Variants in BLOC1S3 observed in about 807,000 individuals in gnomAD.
BLOC1S3 encodes the protein biogenesis of lysosomal organelles complex 1 subunit 3, also known as biogenesis of lysosome-related organelles complex 1 subunit 3.
BLOC1S3 carries 7 observed loss-of-function variants against 9.1 expected under a neutral mutation model. The ratio of observed to expected loss-of-function variants is 0.77; its 90% confidence interval spans 0.44 to 1.45. The LOEUF is 1.45. BLOC1S3 is among the 40% of genes most tolerant of loss of function. The pLI, the probability that BLOC1S3 is intolerant of heterozygous loss-of-function variation, is 0.01. For missense variants in BLOC1S3, 307 were observed against 315.2 expected (o/e 0.97, Z 0.20); for synonymous variants, 145 against 158.4 (o/e 0.92, Z 0.64).
At chr19:45,207,935 G>A (rs1969740136) in intron 3 of BLOC1S3, among the ~76,000 whole-genome samples, 1 of 151,768 alleles carries the variant, frequency 6.6e-6, no homozygotes, top group South Asian at 2.1e-4. Flanking sequence ...TAAGATGTTA[G>A]CATCAGGTAA....
intron 3 of BLOC1S3, among the ~76,000 whole-genome samples, chr19:45,207,567 A>C (rs1487316229): frequency 1.5e-4 from 22 of 148,214 alleles, no homozygotes; most frequent in African/African-American, 5.2e-4. Context: ...AAAAAAAAAA[A>C]AAAAAAAAAA....
intron 2 of BLOC1S3, among the ~76,000 whole-genome samples, chr19:45,188,331 C>G (rs1264308628): frequency 2.0e-5 from 3 of 150,704 alleles, no homozygotes; most frequent in Non-Finnish European, 4.4e-5. Flanking sequence ...TCAATTACAC[C>G]CTTTTCGTTA....
chr19:45,186,170 G>C (rs1007096769), downstream of BLOC1S3, among the ~76,000 whole-genome samples: 2 of 152,042 alleles, frequency 1.3e-5, no homozygotes, highest in Non-Finnish European at 2.9e-5. Flanking sequence ...GAGGGGGTGA[G>C]ACTGGGTCTG....
intron 2 of BLOC1S3, among the ~76,000 whole-genome samples, chr19:45,196,466 C>T (rs1387577999): frequency 6.6e-6 from 1 of 152,006 alleles, no homozygotes; most frequent in African/African-American, 2.4e-5. Flanking sequence ...CTGGGTGGTC[C>T]TCAGTGTCCC....
chr19:45,217,030 CT>C (rs879289385), downstream of BLOC1S3: 8 of 146,938 alleles, frequency 5.4e-5, no homozygotes, highest in Admixed American at 6.8e-5. Context: ...TCTTTTTTTT[CT>C]TTTTTTTTTG....
intron 2 of BLOC1S3, among the ~76,000 whole-genome samples, chr19:45,199,641 C>T (rs1010157503): frequency 9.3e-5 from 14 of 151,252 alleles, no homozygotes; most frequent in African/African-American, 2.4e-4. Flanking sequence ...TTTCTTTTGT[C>T]TCCTCTGGCT....
At chr19:45,212,890 G>A (rs752310105) in intron 3 of BLOC1S3, 36 of 638,190 alleles carry the variant, frequency 5.6e-5, no homozygotes, top group Middle Eastern at 4.3e-4. Flanking sequence ...ATGAGCCACC[G>A]TGCCTGGCGT....
At chr19:45,196,849 C>T (rs1003565055) in intron 2 of BLOC1S3, among the ~76,000 whole-genome samples, 5 of 149,444 alleles carry the variant, frequency 3.3e-5, no homozygotes, top group African/African-American at 7.4e-5. Context: ...TGCAGTGAGC[C>T]GAGATGGGGC....
At chr19:45,214,480 T>C (rs1969812940) in intron 3 of BLOC1S3, among the ~76,000 whole-genome samples, 1 of 151,960 alleles carries the variant, frequency 6.6e-6, no homozygotes, top group South Asian at 2.1e-4. Flanking sequence ...GTTTGTTTGT[T>C]TTGAGACAGA....
At chr19:45,196,620 C>T (rs1969650189) in intron 2 of BLOC1S3, among the ~76,000 whole-genome samples, 1 of 152,076 alleles carries the variant, frequency 6.6e-6, no homozygotes, top group African/African-American at 2.4e-5. Context: ...TAGCCGGGAG[C>T]GGTGGCTCAC....
downstream of BLOC1S3, among the ~76,000 whole-genome samples, chr19:45,183,251 A>G (rs143935352): frequency 0.017 from 2,557 of 152,116 alleles, 66 homozygotes; most frequent in African/African-American, 0.055. Flanking sequence ...AGGTCGAGGC[A>G]GGCAGATCAC....
At position 45,181,641 on chromosome 19, in the gene BLOC1S3, G is replaced by A. The variant is rs1432317562; in HGVS notation, c.*1736G>A. The A allele has an allele frequency of 1.8e-5, 3 of 166,960 alleles. No homozygotes were observed. Among genetic ancestry groups the A allele is most frequent in the East Asian group, 1.9e-4 (1 of 5,198 alleles). 10.3% of individuals were successfully genotyped at this position (166,960 alleles called of 1,614,324 possible). ...CTCCTTTTCACCTGTGTTTTCTTCC[G>A]ATCCCAGCTCTGGTCCCTCAGCCGC... On this transcript the variant is annotated 3_prime_UTR_variant, in exon 2 of 2. Transcript: ENST00000433642.
In BLOC1S3 at chr19:45,213,280, G is replaced by A. The variant is rs1280339209; in HGVS notation, n.283-3396G>A. 3.1e-6 allele frequency: 5 copies of A among 1,613,684 alleles called. No homozygotes were observed. Among genetic ancestry groups the A allele is most frequent in the Non-Finnish European group, 4.2e-6 (5 of 1,179,864 alleles). On this transcript the variant is annotated intron_variant and non_coding_transcript_variant, in intron 3 of 3. Coordinates refer to the BLOC1S3 transcript ENST00000591569. ...CTCCTCAGAGAGTTCCAGGTCCCGG[G>A]CCACGGCCAGGATCTCCTGGCGGGC...
intron 3 of BLOC1S3, among the ~76,000 whole-genome samples, chr19:45,204,272 C>A (rs186766326): frequency 6.7e-6 from 1 of 150,212 alleles, no homozygotes; most frequent in East Asian, 2.0e-4. Context: ...TACTGCAAAC[C>A]TCCGCCTCCT....
At chr19:45,197,499 C>CAA (rs35735109) in intron 2 of BLOC1S3, among the ~76,000 whole-genome samples, 10,149 of 146,830 alleles carry the variant, frequency 0.069, 547 homozygotes, top group Non-Finnish European at 0.099. Context: ...CAACAACCAC[C>CAA]AAAAAAAAAG....
upstream of BLOC1S3, among the ~76,000 whole-genome samples, chr19:45,187,101 G>T (rs1488862556): frequency 6.6e-6 from 1 of 152,154 alleles, no homozygotes; most frequent in African/African-American, 2.4e-5. Context: ...GGAGATGGGT[G>T]GAGGCCAGGA....
intron 3 of BLOC1S3, among the ~76,000 whole-genome samples, chr19:45,203,525 G>A (rs1429388679): frequency 6.6e-6 from 1 of 152,150 alleles, no homozygotes; most frequent in African/African-American, 2.4e-5. Flanking sequence ...GCCTGCCTAA[G>A]CTTCCCAAAG....
At chr19:45,191,387 C>A (rs570242578) in intron 2 of BLOC1S3, among the ~76,000 whole-genome samples, 1 of 152,292 alleles carries the variant, frequency 6.6e-6, no homozygotes, top group East Asian at 1.9e-4. Context: ...TCCCAAAGTG[C>A]TGGTATTACA....
At chr19:45,209,419 T>C (rs1299108693) in intron 3 of BLOC1S3, among the ~76,000 whole-genome samples, 1 of 151,914 alleles carries the variant, frequency 6.6e-6, no homozygotes, top group Non-Finnish European at 1.5e-5. Flanking sequence ...CTTTATTTTA[T>C]TGTTATTATT....
Sources: allele counts gnomAD v4.1 joint callset (sites outside exome capture counted in the v4.1 genomes callset), GRCh38; gene constraint gnomAD v4.1.1; transcripts MANE v1.5; gene names NCBI Gene and HGNC (gene_info 2026-07-23, HGNC 2026-07-21).